CHSY1: variants seen among roughly 807,000 people sequenced by gnomAD.
CHSY1 encodes chondroitin sulfate synthase 1.
A neutral mutation model predicts 59.8 loss-of-function variants in CHSY1; 13 were observed. The ratio of observed to expected loss-of-function variants is 0.22; its 90% CI spans 0.14 to 0.35. The LOEUF (loss-of-function observed/expected upper bound fraction) is 0.35, where lower values mean the gene tolerates loss of function less well. CHSY1 is among the 10% of genes least tolerant of loss of function. CHSY1 has a pLI of 1.00. For synonymous variants in CHSY1, 459 were observed against 401.2 expected (o/e 1.14, Z -1.72); for missense variants, 947 against 1,030.6 (o/e 0.92, Z 1.11).
At position 101,206,294 on chromosome 15, in the gene CHSY1, G is replaced by A. The variant is rs79390081; in HGVS notation, c.817-27314C>T. 6.6e-3 allele frequency among the ~76,000 whole-genome samples: 1,002 copies of A among 152,234 alleles called. 10 individuals are homozygous for A. Among genetic ancestry groups the A allele is most frequent in the African/African-American group, 0.023 (945 of 41,522 alleles). On this transcript the variant is annotated intron_variant, in intron 2 of 2. Transcript: ENST00000254190. ...GACAAGGGAAAACCCACCAGGTCTC[G>A]AGTCGGCAGGAGAACCAACGACCAG...
chr15:101,217,632 G>A (rs1341841043), intron 2 of CHSY1, among the ~76,000 whole-genome samples: 2 of 152,118 alleles, frequency 1.3e-5, no homozygotes, highest in African/African-American at 4.8e-5. Flanking sequence ...AGGGAGGACC[G>A]AGCAACTGAA....
At chr15:101,230,103 G>A (rs144705039) in intron 2 of CHSY1, among the ~76,000 whole-genome samples, 38 of 151,822 alleles carry the variant, frequency 2.5e-4, no homozygotes, top group African/African-American at 9.2e-4. Flanking sequence ...CACCATGCCC[G>A]GCTAATTTTT....
At chr15:101,247,471 T>C (rs1295201670) in intron 1 of CHSY1, among the ~76,000 whole-genome samples, 1 of 152,112 alleles carries the variant, frequency 6.6e-6, no homozygotes, top group Non-Finnish European at 1.5e-5. Context: ...GTCGTCCCTC[T>C]GACTAAAGAA....
chr15:101,237,215 C>T (rs979448724), intron 1 of CHSY1, among the ~76,000 whole-genome samples: 2 of 119,730 alleles, frequency 1.7e-5, no homozygotes, highest in African/African-American at 3.4e-5. Context: ...AAGAGCAAGA[C>T]TCCATCTAAA....
At chr15:101,185,755 T>C (rs1235922151) in intron 2 of CHSY1, among the ~76,000 whole-genome samples, 1 of 151,566 alleles carries the variant, frequency 6.6e-6, no homozygotes, top group Non-Finnish European at 1.5e-5. Flanking sequence ...TCTGCTGTGA[T>C]TTGGGTTTTC....
intron 2 of CHSY1, chr15:101,189,483 C>A: frequency 2.0e-6 from 2 of 985,442 alleles, no homozygotes; most frequent in South Asian, 9.4e-5. Context: ...CCAGGACGTG[C>A]CACACAGGCC....
intron 2 of CHSY1, among the ~76,000 whole-genome samples, chr15:101,195,702 G>A (rs1162175189): frequency 2.0e-5 from 3 of 151,774 alleles, no homozygotes; most frequent in Non-Finnish European, 4.4e-5. Flanking sequence ...GCGGGTGCCT[G>A]TAGTCCTAGC....
intron 2 of CHSY1, among the ~76,000 whole-genome samples, chr15:101,200,793 T>C (rs1398659437): frequency 6.6e-6 from 1 of 152,168 alleles, no homozygotes; most frequent in Admixed American, 6.5e-5. Flanking sequence ...TCTTTCAATA[T>C]GGAACCCTGG....
At chr15:101,191,014 T>C (rs777029412) in intron 2 of CHSY1, among the ~76,000 whole-genome samples, 2 of 152,184 alleles carry the variant, frequency 1.3e-5, no homozygotes. Flanking sequence ...AGTTTGGCAG[T>C]TTCCTACAAA....
At position 101,178,061 on chromosome 15, in the gene CHSY1, T is replaced by C; in HGVS notation, c.1736A>G (p.Asp579Gly). ...VLLFNSDSNP[D>G]KAKQVELMRD... ...CATCAGTTCAACTTGTTTGGCCTTG[T>C]CAGGGTTGGAGTCAGAATTGAAAAG... The change falls in exon 3 of 3, where the codon GAC becomes GGC. Residue 579 changes from aspartate to glycine, a missense_variant. Transcript: ENST00000254190. The C allele has an allele frequency of 1.2e-6, 2 of 1,614,200 alleles. No individual in the cohort carries two copies. Among genetic ancestry groups the C allele is most frequent in the Non-Finnish European group, 1.7e-6 (2 of 1,180,032 alleles).
At chr15:101,209,728 T>C (rs2038665164) in intron 2 of CHSY1, among the ~76,000 whole-genome samples, 1 of 152,206 alleles carries the variant, frequency 6.6e-6, no homozygotes, top group African/African-American at 2.4e-5. Flanking sequence ...GGGCAGGTTA[T>C]AAATAGTGAA....
At chr15:101,186,147 C>CAAAAAAAA (rs35398576) in intron 2 of CHSY1, among the ~76,000 whole-genome samples, 4 of 79,582 alleles carry the variant, frequency 5.0e-5, no homozygotes, top group Admixed American at 2.9e-4. Context: ...TTGTCTCTAC[C>CAAAAAAAA]AAAAAAAAAA....
At chr15:101,196,887 A>T (rs943992174) in intron 2 of CHSY1, among the ~76,000 whole-genome samples, 1 of 152,214 alleles carries the variant, frequency 6.6e-6, no homozygotes, top group African/African-American at 2.4e-5. Context: ...TTTTAAAAAA[A>T]CCCTTCAATA....
intron 2 of CHSY1, among the ~76,000 whole-genome samples, chr15:101,200,895 G>A (rs1199753392): frequency 6.6e-6 from 1 of 152,080 alleles, no homozygotes; most frequent in East Asian, 1.9e-4. Flanking sequence ...TCCTCCCTCT[G>A]CCAGGTCTCA....
intron 2 of CHSY1, among the ~76,000 whole-genome samples, chr15:101,197,048 C>A (rs2038515784): frequency 1.3e-5 from 2 of 152,148 alleles, no homozygotes; most frequent in South Asian, 4.1e-4. Flanking sequence ...TCAAGAATCA[C>A]AAATTTTGCT....
At chr15:101,180,013 A>G (rs2038254283) in intron 2 of CHSY1, among the ~76,000 whole-genome samples, 1 of 152,164 alleles carries the variant, frequency 6.6e-6, no homozygotes, top group Non-Finnish European at 1.5e-5. Flanking sequence ...TTTCAAGTTC[A>G]TGGTTGTTTT....
chr15:101,195,638 G>C lies in CHSY1; in HGVS notation c.817-16658C>G, dbSNP rs935624724. 8.5e-5 allele frequency among the ~76,000 whole-genome samples: 13 copies of C among 152,238 alleles called. No individual in the cohort carries two copies. The Middle Eastern group carries it at 0.01, about 119-fold the overall frequency. ...AGATCGAAACCATACTAGCTAACAC[G>C]GTGAAACCCTGTTTCTACTAAAAAT... On this transcript the variant is annotated intron_variant, in intron 2 of 2. Transcript: ENST00000254190.
intron 2 of CHSY1, among the ~76,000 whole-genome samples, chr15:101,198,502 G>C (rs2038533402): frequency 6.6e-6 from 1 of 152,172 alleles, no homozygotes; most frequent in Non-Finnish European, 1.5e-5. Context: ...CCAGTTTTCA[G>C]AGTCACCGCT....
intron 1 of CHSY1, among the ~76,000 whole-genome samples, chr15:101,239,357 G>A (rs2038978640): frequency 2.6e-5 from 4 of 152,222 alleles, no homozygotes; most frequent in Admixed American, 2.6e-4. Context: ...GAGATGGGGT[G>A]GGCGAGACAA....
Sources: allele counts gnomAD v4.1 joint callset (sites outside exome capture counted in the v4.1 genomes callset), GRCh38; gene constraint gnomAD v4.1.1; transcripts MANE v1.5; gene names NCBI Gene and HGNC (gene_info 2026-07-23, HGNC 2026-07-21).